Variants in VOPP1 observed in about 807,000 individuals in gnomAD.
VOPP1 encodes the protein VOPP1 WW domain binding protein.
Under a neutral mutation model 23.5 loss-of-function variants are expected in VOPP1, and 8 were observed. The observed-to-expected ratio is 0.34, with a 90% confidence interval of 0.20 to 0.61. The LOEUF (loss-of-function observed/expected upper bound fraction) is 0.61, where lower values mean the gene tolerates loss of function less well. Ranked by LOEUF, VOPP1 falls within the 20% of genes least tolerant of loss-of-function variation. The pLI is 0.78. For synonymous variants in VOPP1, 83 were observed against 97.3 expected, an observed-to-expected ratio of 0.85 and a Z score of 0.86; for missense variants, 174 against 238.1, an observed-to-expected ratio of 0.73 and a Z score of 1.77.
At chr7:55,547,264 C>A (rs948539827) in intron 1 of VOPP1, among the ~76,000 whole-genome samples, 1 of 152,166 alleles carries the variant, frequency 6.6e-6, no homozygotes, top group African/African-American at 2.4e-5. Flanking sequence ...CCACAGATAA[C>A]AGGACCCCAA....
intron 2 of VOPP1, among the ~76,000 whole-genome samples, chr7:55,520,005 G>A (rs1795736424): frequency 6.6e-6 from 1 of 152,158 alleles, no homozygotes; most frequent in South Asian, 2.1e-4. Context: ...GCACACGCCT[G>A]TAATCTCAGC....
intron 1 of VOPP1, among the ~76,000 whole-genome samples, chr7:55,540,076 G>C (rs969477164): frequency 2.2e-4 from 33 of 152,038 alleles, no homozygotes; most frequent in African/African-American, 7.7e-4. Flanking sequence ...TCCCTGGCTA[G>C]GTAACACATG....
chr7:55,437,878 T>C (rs932864176), intron 4 of VOPP1, among the ~76,000 whole-genome samples: 4 of 151,224 alleles, frequency 2.6e-5, no homozygotes, highest in Non-Finnish European at 5.9e-5. Flanking sequence ...GTGTATCTTT[T>C]ATATAGTATC....
intron 4 of VOPP1, among the ~76,000 whole-genome samples, chr7:55,460,283 A>G (rs530126813): frequency 2.6e-5 from 4 of 152,344 alleles, no homozygotes; most frequent in Non-Finnish European, 5.9e-5. Context: ...GTGGCCTAAC[A>G]TATGGCCTAT....
intron 1 of VOPP1, among the ~76,000 whole-genome samples, chr7:55,546,209 G>A (rs986238397): frequency 1.3e-5 from 2 of 152,268 alleles, no homozygotes; most frequent in Non-Finnish European, 2.9e-5. Flanking sequence ...CAGTCATGAG[G>A]AGGGCACAGG....
At chr7:55,465,380 G>T (rs1041995927) in intron 4 of VOPP1, among the ~76,000 whole-genome samples, 9 of 152,180 alleles carry the variant, frequency 5.9e-5, no homozygotes, top group Non-Finnish European at 1.3e-4. Context: ...TTCAAGACAA[G>T]AACGGTAGGT....
intron 1 of VOPP1, chr7:55,537,370 G>T (rs73139624): frequency 0.1 from 131,174 of 1,282,428 alleles, 8,129 homozygotes; most frequent in East Asian, 0.28. Context: ...CAACAAGTCA[G>T]ACCACTGATT....
intron 2 of VOPP1, among the ~76,000 whole-genome samples, chr7:55,514,428 G>C (rs141151471): frequency 6.6e-6 from 1 of 152,174 alleles, no homozygotes; most frequent in Non-Finnish European, 1.5e-5. Flanking sequence ...GTCTAGAGAC[G>C]ATCTCTTGAA....
intron 2 of VOPP1, 64 bp from the exon 3 acceptor site, chr7:55,497,754 G>A (rs766492998): frequency 2.8e-4 from 405 of 1,436,840 alleles, no homozygotes; most frequent in Non-Finnish European, 3.7e-4. Context: ...CAGCCATGCG[G>A]CCCAGGCTGG....
At chr7:55,504,800 GT>G (rs1232185370) in intron 2 of VOPP1, among the ~76,000 whole-genome samples, 1 of 152,188 alleles carries the variant, frequency 6.6e-6, no homozygotes, top group Non-Finnish European at 1.5e-5. Context: ...CAAAATTATG[GT>G]TTCTCTTTAT....
At chr7:55,530,243 C>G (rs1204134500) in intron 1 of VOPP1, among the ~76,000 whole-genome samples, 1 of 152,176 alleles carries the variant, frequency 6.6e-6, no homozygotes, top group Non-Finnish European at 1.5e-5. Context: ...CTCTCCACAT[C>G]ATCACTAACA....
chr7:55,453,879 T>C (rs1166722419), intron 4 of VOPP1, among the ~76,000 whole-genome samples: 9 of 152,228 alleles, frequency 5.9e-5, no homozygotes, highest in Non-Finnish European at 1.5e-5. Context: ...AGTGTGCCTG[T>C]AATATGAATG....
At chr7:55,468,274 AAAAAAAAAAAAAAAG>A (rs1354237988), downstream of VOPP1, among the ~76,000 whole-genome samples, 4 of 150,718 alleles carry the variant, frequency 2.7e-5, no homozygotes, top group African/African-American at 9.7e-5. Context: ...CGTCTCAGAA[AAAAAAAAAAAAAAAG>A]AAAAAAAAAG....
intron 4 of VOPP1, among the ~76,000 whole-genome samples, chr7:55,464,455 A>T (rs1315438071): frequency 6.6e-6 from 1 of 152,144 alleles, no homozygotes; most frequent in Non-Finnish European, 1.5e-5. Context: ...CTGCAGGTGC[A>T]CAGTGGCCCT....
intron 1 of VOPP1, among the ~76,000 whole-genome samples, chr7:55,541,200 G>A (rs1263547008): frequency 6.6e-6 from 1 of 152,194 alleles, no homozygotes; most frequent in Non-Finnish European, 1.5e-5. Flanking sequence ...GCATAACTCT[G>A]TGAATATATG....
At chr7:55,458,011 T>C (rs1791410904) in intron 4 of VOPP1, among the ~76,000 whole-genome samples, 1 of 152,326 alleles carries the variant, frequency 6.6e-6, no homozygotes, top group East Asian at 1.9e-4. Context: ...CCTTGACCTA[T>C]GTCCTGAAAC....
At chr7:55,570,579 G>A (rs1798313482) in intron 1 of VOPP1, among the ~76,000 whole-genome samples, 1 of 152,186 alleles carries the variant, frequency 6.6e-6, no homozygotes, top group African/African-American at 2.4e-5. Context: ...CAGACAGAAG[G>A]CTTGGGAGAC....
chr7:55,448,058 C>T (rs1470042062), intron 4 of VOPP1, among the ~76,000 whole-genome samples: 2 of 152,068 alleles, frequency 1.3e-5, no homozygotes, highest in Non-Finnish European at 2.9e-5. Flanking sequence ...CAATAATAAA[C>T]AGTGTTGGCA....
In VOPP1 at chr7:55,497,606, G is replaced by A; in HGVS notation, c.191+7C>T. ...GGGGTAGGGAACAAGGAGGAGTTGT[G>A]ACCTACCAGAAGTACCACAGCCTCT... On this transcript the variant is annotated splice_region_variant and intron_variant, in intron 3 of 4. Transcript: ENST00000285279. 3 of 1,555,704 alleles carry A rather than the reference G, an allele frequency of 1.9e-6. No homozygotes were observed. The highest frequency in any genetic ancestry group is 2.6e-6 in the Non-Finnish European group (3 of 1,134,238).
Sources: allele counts gnomAD v4.1 joint callset (sites outside exome capture counted in the v4.1 genomes callset), GRCh38; gene constraint gnomAD v4.1.1; transcripts MANE v1.5; gene names NCBI Gene and HGNC (gene_info 2026-07-23, HGNC 2026-07-21).